SEPSECS: variants seen among roughly 807,000 people sequenced by gnomAD.
SEPSECS encodes the protein Sep (O-phosphoserine) tRNA:Sec (selenocysteine) tRNA synthase, also known as O-phosphoseryl-tRNA(Sec) selenium transferase.
In SEPSECS, 42 loss-of-function variants were observed where a neutral mutation model predicts 52.1. The observed-to-expected ratio is 0.81, with a 90% confidence interval of 0.63 to 1.04. The LOEUF is 1.04. Ranked by LOEUF, SEPSECS falls within the 50% of genes least tolerant of loss-of-function variation. SEPSECS has a pLI of 0.00. For missense variants in SEPSECS, 590 were observed against 610.6 expected, an observed-to-expected ratio of 0.97 and a Z score of 0.36; for synonymous variants, 216 against 211.4, an observed-to-expected ratio of 1.02 and a Z score of -0.19.
chr4:25,140,790 T>C (rs1404791398), intron 8 of SEPSECS, among the ~76,000 whole-genome samples: 7 of 152,122 alleles, frequency 4.6e-5, no homozygotes, highest in African/African-American at 1.7e-4. Flanking sequence ...ATCTTAATGC[T>C]CACCCTACTT....
intron 8 of SEPSECS, 41 bp downstream of exon 8, chr4:25,144,733 C>T: frequency 7.3e-7 from 1 of 1,365,164 alleles, no homozygotes; most frequent in East Asian, 2.3e-5. Context: ...GAGCACAGTT[C>T]TAGTCAAGAA....
intron 6 of SEPSECS, among the ~76,000 whole-genome samples, chr4:25,147,928 A>G (rs1712064238): frequency 6.6e-6 from 1 of 152,180 alleles, no homozygotes; most frequent in African/African-American, 2.4e-5. Flanking sequence ...GTCGCACTGA[A>G]CTAGATGGGC....
chr4:25,124,372 T>G (rs1448231321), intron 10 of SEPSECS, 147 bp from the exon 11 acceptor site: 2 of 702,960 alleles, frequency 2.8e-6, no homozygotes, highest in Non-Finnish European at 4.7e-6. Context: ...AAAAATAGAC[T>G]GTATCGACTT....
intron 1 of SEPSECS, chr4:25,159,609 TA>T: frequency 2.6e-6 from 1 of 389,992 alleles, no homozygotes; most frequent in East Asian, 1.0e-4. Flanking sequence ...CCATCTCTAC[TA>T]AAAATACAAA....
At chr4:25,146,982 A>G (rs1167424030) in intron 6 of SEPSECS, among the ~76,000 whole-genome samples, 1 of 152,126 alleles carries the variant, frequency 6.6e-6, no homozygotes, top group Admixed American at 6.5e-5. Flanking sequence ...ACCAAAAACA[A>G]AATCCCAAAC....
chr4:25,142,633 C>G (rs191283322), intron 8 of SEPSECS, among the ~76,000 whole-genome samples: 243 of 152,236 alleles, frequency 1.6e-3, no homozygotes, highest in African/African-American at 5.6e-3. Context: ...CTTTAGACTA[C>G]GCTATTTTAA....
intron 8 of SEPSECS, 141 bp from the exon 9 acceptor site, chr4:25,127,498 A>G: frequency 1.5e-6 from 1 of 654,610 alleles, no homozygotes; most frequent in Non-Finnish European, 2.7e-6. Context: ...CCTTTGCCAC[A>G]ATACAGTGAA....
Position 25,160,236 on chromosome 4 carries a change from G to A in SEPSECS, c.114+20C>T, listed in dbSNP as rs1182493878. 3 of 1,550,504 alleles carry A rather than the reference G, an allele frequency of 1.9e-6. No individual in the cohort carries two copies. The highest frequency in any genetic ancestry group is 2.7e-5 in the African/African-American group (2 of 73,276). On this transcript the variant is annotated intron_variant, in intron 1 of 10. Coordinates refer to ENST00000382103, the MANE Select transcript of SEPSECS (RefSeq NM_016955.4). ...GCCCCGGGGTCGCGGCGGCTGGGGAGGGGACCGACAGCTCGGTACCTTCTC... is the reference window on the plus strand; with the variant it reads ...GCCCCGGGGTCGCGGCGGCTGGGGAAGGGACCGACAGCTCGGTACCTTCTC...
chr4:25,123,858 T>C lies in SEPSECS; in HGVS notation c.*73A>G, dbSNP rs2109477846. 2 of 1,339,040 alleles carry C rather than the reference T, an allele frequency of 1.5e-6. No homozygotes were observed. The highest frequency in any genetic ancestry group is 4.6e-5 in the East Asian group (2 of 43,542). 82.9% of individuals were successfully genotyped at this position (1,339,040 alleles called of 1,614,324 possible). ...TTCTCAATTCAAAAATCTCAAGTCT[T>C]ATCTTTAAACTGCTTGCTTGTACTA... On this transcript the variant is annotated 3_prime_UTR_variant, in exon 11 of 11. Transcript: ENST00000382103.
At chr4:25,134,848 A>C (rs1728770947) in intron 8 of SEPSECS, among the ~76,000 whole-genome samples, 1 of 152,296 alleles carries the variant, frequency 6.6e-6, no homozygotes, top group Non-Finnish European at 1.5e-5. Flanking sequence ...ATGCAAAAGA[A>C]CTGAAATCAT....
chr4:25,160,390 C>T lies in SEPSECS; in HGVS notation c.-21G>A. ...TTCATGACAGCGGTGGCGACAGTGG[C>T]GAATAAGCGGGAGCACTAGCTCCAC... On this transcript the variant is annotated 5_prime_UTR_variant, in exon 1 of 11. Transcript: ENST00000382103. 1 of 1,536,976 alleles carries T rather than the reference C, an allele frequency of 6.5e-7. No individual in the cohort carries two copies. Among genetic ancestry groups the T allele is most frequent in the Non-Finnish European group, 8.8e-7 (1 of 1,136,020 alleles).
At chr4:25,138,810 G>A (rs911638803) in intron 8 of SEPSECS, among the ~76,000 whole-genome samples, 1 of 152,174 alleles carries the variant, frequency 6.6e-6, no homozygotes, top group African/African-American at 2.4e-5. Flanking sequence ...AATTCATCAG[G>A]AAAATTTTGT....
chr4:25,150,462 T>G (rs1712231922), intron 6 of SEPSECS, among the ~76,000 whole-genome samples: 1 of 152,184 alleles, frequency 6.6e-6, no homozygotes, highest in Non-Finnish European at 1.5e-5. Context: ...AACAGAACCT[T>G]AATTCTAATC....
intron 2 of SEPSECS, among the ~76,000 whole-genome samples, chr4:25,158,032 C>A (rs1469411656): frequency 6.6e-6 from 1 of 152,126 alleles, no homozygotes; most frequent in African/African-American, 2.4e-5. Context: ...AAATAAAAAA[C>A]CCTTTCGTAA....
chr4:25,148,991 A>G (rs1295531497), intron 6 of SEPSECS, among the ~76,000 whole-genome samples: 1 of 152,154 alleles, frequency 6.6e-6, no homozygotes, highest in Non-Finnish European at 1.5e-5. Context: ...TCCCAAATGC[A>G]GAGAGGTAAT....
At chr4:25,158,477 C>T (rs1408017969) in intron 2 of SEPSECS, among the ~76,000 whole-genome samples, 1 of 152,100 alleles carries the variant, frequency 6.6e-6, no homozygotes, top group Non-Finnish European at 1.5e-5. Context: ...TAATCTAATA[C>T]ACCTTTCCCT....
Position 25,156,707 on chromosome 4 carries a change from CAAAAAAAAAA to C in SEPSECS, c.388+139_388+148del, listed in dbSNP as rs34542574. On this transcript the variant is annotated intron_variant, in intron 3 of 10. Coordinates refer to ENST00000382103, the MANE Select transcript of SEPSECS (RefSeq NM_016955.4). Reference sequence around the variant, plus strand: ...TGGGCAACAGAGCTAGACTCCGTCTCAAAAAAAAAAAAAAAAAAAAAAAAAAAAGAAGTCT... The same window carrying C: ...TGGGCAACAGAGCTAGACTCCGTCTCAAAAAAAAAAAAAAAAAAGAAGTCT... The C allele has an allele frequency of 0.016, 3,750 of 229,444 alleles. 106 individuals carry two copies. In the African/African-American group the frequency reaches 0.2, roughly 13 times the overall value. 14.2% of individuals were successfully genotyped at this position (229,444 alleles called of 1,614,324 possible). A position where few individuals can be genotyped will look rare whatever the true frequency, so the allele number is the denominator to read the frequency against.
rs774815439 is a variant in SEPSECS at position 25,145,026 on chromosome 4, C to G, written c.912G>C (p.Gln304His). 6.2e-7 allele frequency: 1 copy of G among 1,613,902 alleles called. No individual in the cohort carries two copies. The highest frequency in any genetic ancestry group is 8.5e-7 in the Non-Finnish European group (1 of 1,179,922). Residue 304 changes from glutamine to histidine, a missense_variant, in exon 7 of 11, where the codon CAG (glutamine) becomes CAC (histidine). Coordinates refer to ENST00000382103, the MANE Select transcript of SEPSECS (RefSeq NM_016955.4). ...IIAGFNDSFI[Q>H]EISKMYPGRA... ...TACCTGGATACATCTTGCTGATTTC[C>G]TGAATGAATGAATCATTAAAGCCAG...
chr4:25,123,782 A>G lies in SEPSECS; in HGVS notation c.*149T>C. On this transcript the variant is annotated 3_prime_UTR_variant, in exon 11 of 11. Coordinates refer to ENST00000382103, the MANE Select transcript of SEPSECS (RefSeq NM_016955.4). ...AAGAATGGGAAACTTAACAATCATC[A>G]ATGGCTAGTTCAGACCAAAGTCTGC... is the stretch of plus-strand genomic sequence containing the variant. 4.6e-6 allele frequency: 3 copies of G among 658,568 alleles called. No homozygotes were observed. Among genetic ancestry groups the G allele is most frequent in the Non-Finnish European group, 8.1e-6 (3 of 372,484 alleles). The allele number at this position is 658,568 out of a possible 1,614,324, so 40.8% of individuals were successfully genotyped here.
Sources: allele counts gnomAD v4.1 joint callset (sites outside exome capture counted in the v4.1 genomes callset), GRCh38; gene constraint gnomAD v4.1.1; transcripts MANE v1.5; gene names NCBI Gene and HGNC (gene_info 2026-07-23, HGNC 2026-07-21).